LRP1B: variants seen among roughly 807,000 people sequenced by gnomAD.
LRP1B encodes the protein LDL receptor related protein 1B.
LRP1B carries 217 observed loss-of-function variants against 556.6 expected under a neutral mutation model. That is an observed-to-expected ratio of 0.39 (90% CI 0.35 to 0.44). LRP1B has a LOEUF of 0.44. LRP1B is among the 20% of genes least tolerant of loss of function. The pLI is 1.00. For missense variants in LRP1B, 5,053 were observed against 5,620.8 expected (o/e 0.90, Z 3.23); for synonymous variants, 2,047 against 1,865.8 (o/e 1.10, Z -2.50).
chr2:140,529,653 A>G (rs776886292), intron 47 of LRP1B, among the ~76,000 whole-genome samples: 7 of 152,028 alleles, frequency 4.6e-5, no homozygotes, highest in Non-Finnish European at 1.0e-4. Context: ...AACAAATGCC[A>G]GTTTCCTCTC....
intron 2 of LRP1B, among the ~76,000 whole-genome samples, chr2:141,624,112 A>G (rs1294523023): frequency 1.3e-5 from 2 of 151,490 alleles, no homozygotes; most frequent in African/African-American, 2.4e-5. Context: ...AAATTAGTAA[A>G]GGGTATATGT....
At position 140,800,385 on chromosome 2, in the gene LRP1B, C is replaced by T. The variant is rs536760139; in HGVS notation, c.5359+13272G>A. 3.3e-5 allele frequency among the ~76,000 whole-genome samples: 5 copies of T among 152,146 alleles called. No homozygotes were observed. In the East Asian group the frequency reaches 7.7e-4, roughly 24 times the overall value. On this transcript the variant is annotated intron_variant, in intron 32 of 90. Coordinates refer to ENST00000389484, the MANE Select transcript of LRP1B (RefSeq NM_018557.3). ...CACATTGTGCACATGTACCCTAGAACTTAAAAGTATAATAATTAAAAAAAA... is the reference window on the plus strand; with the variant it reads ...CACATTGTGCACATGTACCCTAGAATTTAAAAGTATAATAATTAAAAAAAA...
intron 72 of LRP1B, among the ~76,000 whole-genome samples, chr2:140,359,884 G>C (rs895403449): frequency 6.6e-6 from 1 of 151,528 alleles, no homozygotes; most frequent in Non-Finnish European, 1.5e-5. Context: ...GCATATCATA[G>C]CCAAAAGTCT....
chr2:141,133,035 C>T (rs558715614), intron 7 of LRP1B, among the ~76,000 whole-genome samples: 1 of 152,092 alleles, frequency 6.6e-6, no homozygotes, highest in East Asian at 1.9e-4. Context: ...TTTTCAACAG[C>T]ATGCATCTAT....
chr2:141,752,103 T>C (rs986913798), intron 2 of LRP1B, among the ~76,000 whole-genome samples: 1 of 152,060 alleles, frequency 6.6e-6, no homozygotes, highest in Non-Finnish European at 1.5e-5. Context: ...TTATATGTAA[T>C]AGAGGACTAT....
At chr2:140,369,942 T>C (rs1449918912) in intron 71 of LRP1B, among the ~76,000 whole-genome samples, 1 of 151,954 alleles carries the variant, frequency 6.6e-6, no homozygotes, top group Non-Finnish European at 1.5e-5. Context: ...TGAGAGACTT[T>C]GTAAGTAGGT....
chr2:140,900,857 T>G (rs933958791), intron 23 of LRP1B, among the ~76,000 whole-genome samples: 4 of 151,944 alleles, frequency 2.6e-5, no homozygotes, highest in Non-Finnish European at 5.9e-5. Flanking sequence ...AAGATTTAAT[T>G]GATGAAAAAA....
intron 33 of LRP1B, among the ~76,000 whole-genome samples, chr2:140,774,449 C>A (rs1024345526): frequency 4.6e-5 from 7 of 152,054 alleles, no homozygotes; most frequent in African/African-American, 1.7e-4. Flanking sequence ...GGAATTATAT[C>A]TAGAAAATTT....
rs1684383546 is a variant in LRP1B, at chr2:141,254,418, T to A, written c.463+104A>T. 2.6e-6 allele frequency: 3 copies of A among 1,140,350 alleles called. No homozygotes were observed. The Admixed American group carries it at 7.4e-5, about 28-fold the overall frequency. The allele number at this position is 1,140,350 out of a possible 1,614,324, so 70.6% of individuals were successfully genotyped here. A position where few individuals can be genotyped will look rare whatever the true frequency, so the allele number is the denominator to read the frequency against. On this transcript the variant is annotated intron_variant, in intron 4 of 90. Transcript: ENST00000389484. ...AAATCTCAAGAAAGAAAAGTTAACA[T>A]AAACACTGTAGAGCACATGGTAGGT...
chr2:141,017,049 G>A (rs1362463705), intron 12 of LRP1B, among the ~76,000 whole-genome samples: 1 of 151,956 alleles, frequency 6.6e-6, no homozygotes, highest in Non-Finnish European at 1.5e-5. Context: ...ATGTTGATAT[G>A]CCCTTTTTAG....
rs976982850 is a variant in LRP1B at position 141,211,565 on chromosome 2, C to T, written c.850+17618G>A. ...CCGGGAGGCAGAGGTTGCAGTGAGC[C>T]GAGATCCGGCCATTGCACTCTAGCC... On this transcript the variant is annotated intron_variant, in intron 6 of 90. Coordinates refer to ENST00000389484, the MANE Select transcript of LRP1B (RefSeq NM_018557.3). 3.3e-5 allele frequency among the ~76,000 whole-genome samples: 5 copies of T among 152,030 alleles called. No homozygotes were observed. In the East Asian group the frequency reaches 7.8e-4, roughly 24 times the overall value.
rs1301453391 is a variant in LRP1B, at chr2:142,011,986, G to A, written c.82+118662C>T. 4.6e-5 allele frequency among the ~76,000 whole-genome samples: 7 copies of A among 151,988 alleles called. No homozygotes were observed. The East Asian group carries it at 1.2e-3, about 25-fold the overall frequency. On this transcript the variant is annotated intron_variant, in intron 1 of 90. Coordinates refer to ENST00000389484, the MANE Select transcript of LRP1B (RefSeq NM_018557.3). ...CCAAAAAAAGAATCAGAAGATAATA[G>A]ATTTTATGAAGAATCACTTCTTATG...
At chr2:141,214,499 C>A (rs2105260721) in intron 6 of LRP1B, among the ~76,000 whole-genome samples, 1 of 152,294 alleles carries the variant, frequency 6.6e-6, no homozygotes, top group East Asian at 1.9e-4. Flanking sequence ...TATAAAATAG[C>A]AGAGCTTCCT....
At chr2:141,183,471 C>A (rs1681100343) in intron 7 of LRP1B, among the ~76,000 whole-genome samples, 1 of 151,982 alleles carries the variant, frequency 6.6e-6, no homozygotes, top group African/African-American at 2.4e-5. Context: ...TTAAACTCTT[C>A]AATACTGTCA....
chr2:141,290,264 T>C lies in LRP1B; in HGVS notation c.344-35623A>G, dbSNP rs114169484. Among the ~76,000 whole-genome samples, 848 of 152,282 alleles carry C rather than the reference T, an allele frequency of 5.6e-3. 8 individuals are homozygous for C. The highest frequency in any genetic ancestry group is 0.019 in the African/African-American group (778 of 41,578). On this transcript the variant is annotated intron_variant, in intron 3 of 90. Coordinates refer to ENST00000389484, the MANE Select transcript of LRP1B (RefSeq NM_018557.3). ...ATGGAGGATTTAACAAATTAGATGA[T>C]TGTAATAGAAAGAATGATAAGATTC...
chr2:140,368,402 A>T (rs903977437), intron 71 of LRP1B, among the ~76,000 whole-genome samples: 16 of 151,814 alleles, frequency 1.1e-4, no homozygotes, highest in African/African-American at 3.9e-4. Context: ...TTAATGCATG[A>T]TAATACTTTA....
chr2:142,126,945 C>T (rs1707676094), intron 1 of LRP1B, among the ~76,000 whole-genome samples: 1 of 151,820 alleles, frequency 6.6e-6, no homozygotes, highest in East Asian at 1.9e-4. Context: ...AAACTAATGT[C>T]CTGGATCCAA....
intron 1 of LRP1B, among the ~76,000 whole-genome samples, chr2:142,078,452 T>C (rs1475879201): frequency 6.6e-6 from 1 of 152,176 alleles, no homozygotes; most frequent in East Asian, 1.9e-4. Flanking sequence ...TACAGTATGC[T>C]GTTGATACTA....
chr2:141,454,482 C>T (rs1183372805), intron 3 of LRP1B, among the ~76,000 whole-genome samples: 1 of 152,118 alleles, frequency 6.6e-6, no homozygotes, highest in East Asian at 1.9e-4. Context: ...CTTACATGGT[C>T]TGTGCAGACC....
Sources: gnomAD v4.1 joint callset for allele counts (sites outside exome capture counted in the v4.1 genomes callset) on GRCh38, gnomAD v4.1.1 for gene constraint, MANE v1.5 for transcripts, NCBI Gene and HGNC (gene_info 2026-07-23, HGNC 2026-07-21) for gene names.